Variants in CAMK1 observed in about 807,000 individuals in gnomAD.
CAMK1 encodes the protein calcium/calmodulin dependent protein kinase I.
A neutral mutation model predicts 49.1 loss-of-function variants in CAMK1; 39 were observed. That is an observed-to-expected ratio of 0.79 (90% confidence interval 0.62 to 1.04). The LOEUF is 1.04. CAMK1 is among the 50% of genes least tolerant of loss of function. CAMK1 has a pLI of 0.00. For synonymous variants in CAMK1, 192 were observed against 185.2 expected (o/e 1.04, Z -0.30); for missense variants, 457 against 472.2 (o/e 0.97, Z 0.30).
Position 9,761,489 on chromosome 3 carries a change from A to G in CAMK1, c.604T>C (p.Trp202Arg), listed in dbSNP as rs1559697631. The G allele has an allele frequency of 6.2e-7, 1 of 1,613,298 alleles. No homozygotes were observed. The highest frequency in any genetic ancestry group is 1.7e-4 in the Middle Eastern group (1 of 5,774). Residue 202 changes from tryptophan (W) to arginine (R), a missense_variant, in exon 7 of 12, where the codon TGG (tryptophan) becomes CGG (arginine). Trp to Arg is a moderately radical substitution (Grantham distance 101). Coordinates refer to ENST00000256460, the MANE Select transcript of CAMK1 (RefSeq NM_003656.5). ...ATGTAGGCGATGACACCTATGGACC[A>G]GCAATCCACAGCCTTGCTGTAGGGC... ...QKPYSKAVDC[W>R]SIGVIAYILL...
chr3:9,760,565 CAGAA>C lies in CAMK1; in HGVS notation c.745+87_745+90del, dbSNP rs141086851. The C allele has an allele frequency of 1.7e-3, 2,242 of 1,335,674 alleles. 18 individuals carry two copies. In the African/African-American group the frequency reaches 0.027, roughly 16 times the overall value. The allele number at this position is 1,335,674 out of a possible 1,614,324, so 82.7% of individuals were successfully genotyped here. On this transcript the variant is annotated intron_variant, in intron 8 of 11. Coordinates refer to ENST00000256460, the MANE Select transcript of CAMK1 (RefSeq NM_003656.5). ...CTTTGTGTGGTGCTGGAAAATCCGA[CAGAA>C]GGAAGGCAGGAGGGAGACCGCCCCC...
chr3:9,759,623 C>A (rs781511507), intron 9 of CAMK1, 48 bp from the exon 10 acceptor site: 1 of 1,614,110 alleles, frequency 6.2e-7, no homozygotes, highest in South Asian at 1.1e-5. Context: ...AGAAGCAGAC[C>A]TGAGGGCCCC....
At chr3:9,762,835 G>T in intron 5 of CAMK1, 79 bp downstream of exon 5, 2 of 1,445,792 alleles carry the variant, frequency 1.4e-6, no homozygotes, top group African/African-American at 1.4e-5. Flanking sequence ...GGTGAAAGTT[G>T]CCCAAGGTCA....
At chr3:9,769,037 CT>C (rs1468110053) in intron 1 of CAMK1, among the ~76,000 whole-genome samples, 2 of 152,060 alleles carry the variant, frequency 1.3e-5, no homozygotes, top group Non-Finnish European at 2.9e-5. Context: ...AAACACCTGC[CT>C]CCCAGATCCA....
At chr3:9,766,303 C>T (rs2078149489) in intron 2 of CAMK1, 2 of 698,654 alleles carry the variant, frequency 2.9e-6, no homozygotes, top group African/African-American at 3.5e-5. Flanking sequence ...CCTCTGGATC[C>T]AGCCATGCCT....
Position 9,757,656 on chromosome 3 carries a change from G to T in CAMK1, c.1031-35C>A. ...AAGACAGAACAGAGGTGGCCGCAGGGGCAGGCCCTCCACTCCAGCCCGGGT... is the reference window on the plus strand; with the variant it reads ...AAGACAGAACAGAGGTGGCCGCAGGTGCAGGCCCTCCACTCCAGCCCGGGT... On this transcript the variant is annotated intron_variant, in intron 11 of 11. Transcript: ENST00000256460. This position sits in a 1 kb window ranked among gnomAD's most constrained non-coding sequence, Gnocchi z 4.5. 6.2e-7 allele frequency: 1 copy of T among 1,614,060 alleles called. No homozygotes were observed. Among genetic ancestry groups the T allele is most frequent in the Non-Finnish European group, 8.5e-7 (1 of 1,180,000 alleles).
intron 2 of CAMK1, chr3:9,766,489 G>GAA (rs1006026297): frequency 9.0e-6 from 3 of 334,028 alleles, no homozygotes; most frequent in Admixed American, 4.7e-5. Flanking sequence ...TCAAAAAAAA[G>GAA]AAAAAAAAAA....
chr3:9,766,111 G>A (rs1364767574), intron 2 of CAMK1: 1 of 1,356,994 alleles, frequency 7.4e-7, no homozygotes, highest in East Asian at 2.5e-5. Context: ...GTCATGTGAT[G>A]CAAGCCAGCT....
chr3:9,768,437 T>C (rs1199660066), intron 1 of CAMK1, among the ~76,000 whole-genome samples: 1 of 152,184 alleles, frequency 6.6e-6, no homozygotes, highest in Non-Finnish European at 1.5e-5. Flanking sequence ...CATCTAACCC[T>C]ATCCAGCCTG....
In CAMK1 at chr3:9,765,818, G is replaced by C; in HGVS notation, c.156C>G (p.Ala52=). 1 of 1,614,036 alleles carries C rather than the reference G, an allele frequency of 6.2e-7. No individual in the cohort carries two copies. Among genetic ancestry groups the C allele is most frequent in the Non-Finnish European group, 8.5e-7 (1 of 1,179,988 alleles). ...TQKLVAIKCI[A]KEALEGKEGS... The stretch of plus-strand genomic sequence containing the variant: ...CTTCCTTGCCCTCCAGGGCCTCCTT[G>C]GCAATGCATTTGATGGCCACCAGCT... The change falls in exon 3 of 12, where the codon GCC becomes GCG. Residue 52 remains alanine (A), a synonymous_variant. Coordinates refer to ENST00000256460, the MANE Select transcript of CAMK1 (RefSeq NM_003656.5).
In CAMK1 at chr3:9,765,880, A is replaced by T; in HGVS notation, c.94T>A (p.Ser32Thr). The change falls in exon 3 of 12, where the codon TCG (serine) becomes ACG (threonine). Residue 32 changes from serine (S) to threonine (T), a missense_variant. Transcript: ENST00000256460. ...FRDVLGTGAF[S>T]EVILAEDKRT... ...TTATCTTCTGCCAGGATCACCTCCG[A>T]GAAGGCCCCCCTATCGGGAGAGGGG... 5.0e-6 allele frequency: 8 copies of T among 1,614,032 alleles called. No homozygotes were observed. Among genetic ancestry groups the T allele is most frequent in the Non-Finnish European group, 6.8e-6 (8 of 1,179,998 alleles).
At position 9,763,142 on chromosome 3, in the gene CAMK1, T is replaced by C. The variant is rs769524135; in HGVS notation, c.287A>G (p.Gln96Arg). The change falls in exon 4 of 12, where the codon CAG (glutamine) becomes CGG (arginine). Residue 96 changes from glutamine to arginine, a missense_variant. Coordinates refer to ENST00000256460, the MANE Select transcript of CAMK1 (RefSeq NM_003656.5). ...ESGGHLYLIM[Q>R]LVSGGELFDR... is the part of the protein sequence containing the mutation. ...GGGCAGAGGTTGGGCCACTCACAGC[T>C]GCATGATGAGGTAGAGGTGGCCCCC... 5.6e-6 allele frequency: 9 copies of C among 1,614,098 alleles called. No homozygotes were observed. In the South Asian group the frequency reaches 8.8e-5, roughly 16 times the overall value.
chr3:9,759,936 C>T lies in CAMK1; in HGVS notation c.746-186G>A, dbSNP rs1484373851. 6.6e-5 allele frequency: 55 copies of T among 834,968 alleles called. 1 individual carries two copies. Among genetic ancestry groups the T allele is most frequent in the Non-Finnish European group, 3.8e-5 (21 of 548,480 alleles). The allele number at this position is 834,968 out of a possible 1,614,324, so 51.7% of individuals were successfully genotyped here. A position where few individuals can be genotyped will look rare whatever the true frequency, so the allele number is the denominator to read the frequency against. On this transcript the variant is annotated intron_variant, in intron 8 of 11. Coordinates refer to ENST00000256460, the MANE Select transcript of CAMK1 (RefSeq NM_003656.5). Reference sequence around the variant, plus strand: ...CCCACCCCGTGCCTTCCAGCTCTTTCCTTTCTCTCTTAAGAAAAACATATG... The same window carrying T: ...CCCACCCCGTGCCTTCCAGCTCTTTTCTTTCTCTCTTAAGAAAAACATATG...
Position 9,757,825 on chromosome 3 carries a change from C to G in CAMK1, c.934G>C (p.Val312Leu), listed in dbSNP as rs774504130. ...TGCAGTTTCCTCATGTGCCGCACCA[C>G]AGCCGTGGCATTGAAGGCTTGCTGG... Reference protein sequence around the residue: ...KWKQAFNATAVVRHMRKLQLG... With the variant: ...KWKQAFNATALVRHMRKLQLG... The change falls in exon 11 of 12, where the codon GTG becomes CTG. Residue 312 changes from valine (V) to leucine (L), a missense_variant. By Grantham distance (32) the Val-to-Leu change is conservative (BLOSUM62 1). Coordinates refer to ENST00000256460, the MANE Select transcript of CAMK1 (RefSeq NM_003656.5). This position sits in a 1 kb window ranked among gnomAD's most constrained non-coding sequence, Gnocchi z 4.5. 1.2e-6 allele frequency: 2 copies of G among 1,608,796 alleles called. No homozygotes were observed. Among genetic ancestry groups the G allele is most frequent in the Admixed American group, 3.3e-5 (2 of 59,904 alleles).
At chr3:9,761,579 T>G (rs1214594603) in intron 6 of CAMK1, 43 bp from the exon 7 acceptor site, 13 of 1,613,272 alleles carry the variant, frequency 8.1e-6, no homozygotes, top group African/African-American at 1.3e-5. Flanking sequence ...TCTCTGCCCT[T>G]CAACTCCTGG....
Position 9,760,639 on chromosome 3 carries a change from A to G in CAMK1, c.745+17T>C, listed in dbSNP as rs201794302. 6.2e-7 allele frequency: 1 copy of G among 1,613,558 alleles called. No individual in the cohort carries two copies. The highest frequency in any genetic ancestry group is 1.7e-5 in the Admixed American group (1 of 59,982). On this transcript the variant is annotated intron_variant, in intron 8 of 11. Coordinates refer to ENST00000256460, the MANE Select transcript of CAMK1 (RefSeq NM_003656.5). ...CCAGAGGCAGGGCCCAGGGGAAAAA[A>G]GCAAAGCCCCAAATACCAGAGTCAG...
intron 5 of CAMK1, chr3:9,762,060 C>G (rs2077903443): frequency 3.7e-6 from 1 of 272,304 alleles, no homozygotes; most frequent in South Asian, 4.8e-5. Flanking sequence ...TAATGCCATC[C>G]TCACTGCTTC....
At position 9,759,702 on chromosome 3, in the gene CAMK1, A is replaced by G. The variant is rs200157460; in HGVS notation, c.794T>C (p.Phe265Ser). 3.0e-5 allele frequency: 48 copies of G among 1,614,146 alleles called. No homozygotes were observed. The highest frequency in any genetic ancestry group is 1.5e-4 in the Admixed American group (9 of 60,008). Residue 265 changes from phenylalanine to serine, a missense_variant, in exon 9 of 12, where the codon TTC becomes TCC. Phe to Ser is a radical substitution (Grantham distance 155). Coordinates refer to ENST00000256460, the MANE Select transcript of CAMK1 (RefSeq NM_003656.5). The part of the protein sequence containing the change: ...HLMEKDPEKR[F>S]TCEQALQHPW... ...GTGCTGCAAGGCCTGCTCACAGGTG[A>G]ATCTTTTCTCTGGGTCCTTCTCCAT...
chr3:9,757,879 A>G lies in CAMK1; in HGVS notation c.913-33T>C, dbSNP rs1413095981. ...TGAAGGCATTGAAGGGAGAGGGGAG[A>G]AAGGACTTTTGAGAGAGTCAAGTCA... On this transcript the variant is annotated intron_variant, in intron 10 of 11. Coordinates refer to ENST00000256460, the MANE Select transcript of CAMK1 (RefSeq NM_003656.5). This position sits in a 1 kb window ranked among gnomAD's most constrained non-coding sequence, Gnocchi z 4.5. 1 of 1,578,048 alleles carries G rather than the reference A, an allele frequency of 6.3e-7. No individual in the cohort carries two copies. Among genetic ancestry groups the G allele is most frequent in the Non-Finnish European group, 8.6e-7 (1 of 1,156,132 alleles).
Sources: allele counts gnomAD v4.1 joint callset (sites outside exome capture counted in the v4.1 genomes callset), GRCh38; gene constraint gnomAD v4.1.1; non-coding constraint Gnocchi (gnomAD v3.1); transcripts MANE v1.5; gene names NCBI Gene and HGNC (gene_info 2026-07-23, HGNC 2026-07-21).